Variants in MAP7 observed in about 807,000 individuals in gnomAD.
MAP7 encodes microtubule associated protein 7, also known as ensconsin.
In MAP7, 52 loss-of-function variants were observed where a neutral mutation model predicts 94.8. The observed-to-expected ratio is 0.55, with a 90% CI of 0.44 to 0.69. The LOEUF (loss-of-function observed/expected upper bound fraction) is 0.69, where lower values mean the gene tolerates loss of function less well. Among genes scored for constraint, MAP7 ranks in the 30% least tolerant of loss-of-function variants. The probability of loss-of-function intolerance (pLI) is 0.00; values close to 1 mark genes in which losing one functional copy is unlikely to be tolerated. For synonymous variants in MAP7, 350 were observed against 357.0 expected, an observed-to-expected ratio of 0.98 and a Z score of 0.22; for missense variants, 940 against 964.6, an observed-to-expected ratio of 0.97 and a Z score of 0.34.
chr6:136,364,520 ACTCT>A (rs1169145844), intron 10 of MAP7: 1 of 246,660 alleles, frequency 4.1e-6, no homozygotes, highest in Non-Finnish European at 8.0e-6. Context: ...TTCTTTGAAA[ACTCT>A]CTCTTCAAAA....
intron 16 of MAP7, among the ~76,000 whole-genome samples, chr6:136,348,010 T>G (rs2128517928): frequency 7.1e-6 from 1 of 141,274 alleles, no homozygotes; most frequent in Non-Finnish European, 1.5e-5. Context: ...CATGTGCACA[T>G]GCCCCCCCCC....
chr6:136,381,877 TACACACACACACACACACAC>T (rs1156527948), intron 6 of MAP7, among the ~76,000 whole-genome samples: 1 of 92,954 alleles, frequency 1.1e-5, no homozygotes, highest in Non-Finnish European at 2.1e-5. Flanking sequence ...CTTCTAACCT[TACACACACACACACACACAC>T]ACACACACAC....
At chr6:136,473,607 AG>A (rs1809824669) in intron 1 of MAP7, among the ~76,000 whole-genome samples, 1 of 152,222 alleles carries the variant, frequency 6.6e-6, no homozygotes, top group South Asian at 2.1e-4. Flanking sequence ...ATCATAGGGA[AG>A]CACTAACTTA....
chr6:136,415,288 A>G (rs535943542), intron 2 of MAP7, among the ~76,000 whole-genome samples: 22 of 152,300 alleles, frequency 1.4e-4, no homozygotes, highest in Non-Finnish European at 2.5e-4. Flanking sequence ...TTGAAAATCA[A>G]CTTTGTAAAA....
intron 16 of MAP7, among the ~76,000 whole-genome samples, chr6:136,354,448 T>C (rs57873622): frequency 7.6e-6 from 1 of 132,012 alleles, no homozygotes; most frequent in Non-Finnish European, 1.5e-5. Flanking sequence ...ATATATATAG[T>C]AGATATATAT....
At chr6:136,506,840 T>C (rs897890071) in intron 1 of MAP7, among the ~76,000 whole-genome samples, 2 of 152,164 alleles carry the variant, frequency 1.3e-5, no homozygotes, top group Non-Finnish European at 2.9e-5. Context: ...CCTGTAACAA[T>C]AGCTGAGTGT....
intron 1 of MAP7, among the ~76,000 whole-genome samples, chr6:136,493,838 T>G (rs1817439997): frequency 6.6e-6 from 1 of 152,166 alleles, no homozygotes; most frequent in South Asian, 2.1e-4. Flanking sequence ...GGCATTAGAC[T>G]CTAACACCCT....
intron 1 of MAP7, among the ~76,000 whole-genome samples, chr6:136,542,822 C>T (rs1829436359): frequency 6.6e-6 from 1 of 152,050 alleles, no homozygotes; most frequent in Admixed American, 6.6e-5. Context: ...GGATCAACAC[C>T]ACCTCCAGGC....
At chr6:136,499,717 G>C (rs1343769216) in intron 1 of MAP7, among the ~76,000 whole-genome samples, 2 of 152,078 alleles carry the variant, frequency 1.3e-5, no homozygotes, top group Non-Finnish European at 2.9e-5. Flanking sequence ...AACCCTGAAT[G>C]GCCAGGTGCA....
intron 2 of MAP7, among the ~76,000 whole-genome samples, chr6:136,417,234 T>G (rs1008944492): frequency 6.6e-6 from 1 of 152,232 alleles, no homozygotes; most frequent in Non-Finnish European, 1.5e-5. Context: ...GAATAGAACT[T>G]AGGCTTAATT....
chr6:136,456,767 G>GGAGGAGGAAGAAGAA lies in MAP7; in HGVS notation c.68-34969_68-34968insTTCTTCTTCCTCCTC, dbSNP rs1179338276. On this transcript the variant is annotated intron_variant, in intron 1 of 17. Transcript: ENST00000354570. ...AGAAGGAGGAGGAGGAGGAGGAGGA[G>GGAGGAGGAAGAAGAA]GAAGAAGAAGAAGAAGAAGAAGAAG... Among the ~76,000 whole-genome samples, 85 of 60,588 alleles carry GGAGGAGGAAGAAGAA rather than the reference G, an allele frequency of 1.4e-3. 1 individual carries two copies. The highest frequency in any genetic ancestry group is 8.3e-3 in the Middle Eastern group (1 of 120). 39.7% of individuals were successfully genotyped at this position (60,588 alleles called of 152,430 possible).
intron 1 of MAP7, among the ~76,000 whole-genome samples, chr6:136,514,593 A>C (rs906368839): frequency 6.6e-6 from 1 of 151,146 alleles, no homozygotes; most frequent in Non-Finnish European, 1.5e-5. Flanking sequence ...AAAAAAAAAA[A>C]AAAAAAAAAA....
At chr6:136,397,007 A>C (rs1782671016) in intron 3 of MAP7, among the ~76,000 whole-genome samples, 1 of 152,198 alleles carries the variant, frequency 6.6e-6, no homozygotes, top group Non-Finnish European at 1.5e-5. Flanking sequence ...TTAAAGGAAG[A>C]ATATTTCTTT....
intron 4 of MAP7, among the ~76,000 whole-genome samples, 195 bp downstream of exon 4, chr6:136,389,159 G>A (rs1414113146): frequency 1.3e-5 from 2 of 152,158 alleles, no homozygotes; most frequent in Admixed American, 6.5e-5. Flanking sequence ...TAAACTTTCT[G>A]TGGCAATAAT....
At chr6:136,548,874 G>A (rs1004309676) in intron 1 of MAP7, among the ~76,000 whole-genome samples, 1 of 152,204 alleles carries the variant, frequency 6.6e-6, no homozygotes, top group African/African-American at 2.4e-5. Context: ...TCCTCTCCCG[G>A]GGCCCTCACT....
intron 1 of MAP7, among the ~76,000 whole-genome samples, chr6:136,480,498 T>C (rs1024571802): frequency 1.3e-5 from 2 of 151,330 alleles, no homozygotes; most frequent in African/African-American, 4.9e-5. Context: ...AACAATTAGC[T>C]GGGCATGGTG....
At chr6:136,404,428 T>TTGTTC (rs1785018384) in intron 3 of MAP7, among the ~76,000 whole-genome samples, 1 of 151,932 alleles carries the variant, frequency 6.6e-6, no homozygotes, top group African/African-American at 2.4e-5. Flanking sequence ...ACATATAATT[T>TTGTTC]AACCAAAGTT....
chr6:136,428,106 T>A (rs1279459829), intron 1 of MAP7, among the ~76,000 whole-genome samples: 1 of 152,202 alleles, frequency 6.6e-6, no homozygotes, highest in Non-Finnish European at 1.5e-5. Context: ...CACTAAGACT[T>A]GAAGAATGGA....
intron 1 of MAP7, among the ~76,000 whole-genome samples, chr6:136,459,565 T>A (rs1425384501): frequency 2.6e-5 from 4 of 152,154 alleles, no homozygotes; most frequent in Non-Finnish European, 5.9e-5. Context: ...GAGAATATTA[T>A]TCAGCCTTTT....
Sources: allele counts gnomAD v4.1 joint callset (sites outside exome capture counted in the v4.1 genomes callset), GRCh38; gene constraint gnomAD v4.1.1; transcripts MANE v1.5; gene names NCBI Gene and HGNC (gene_info 2026-07-23, HGNC 2026-07-21).